Variants in CD99L2 observed in about 807,000 individuals in gnomAD.
The protein encoded by CD99L2 is CD99 antigen-like protein 2.
CD99L2 carries 24 observed loss-of-function variants against 27.3 expected under a neutral mutation model. The ratio of observed to expected loss-of-function variants is 0.88; its 90% CI spans 0.64 to 1.24. The LOEUF (loss-of-function observed/expected upper bound fraction) is 1.24. CD99L2 is among the 50% of genes most tolerant of loss of function. The pLI is 0.00. For missense variants in CD99L2, 255 were observed against 221.6 expected, an observed-to-expected ratio of 1.15 and a Z score of -0.96; for synonymous variants, 97 against 87.9, an observed-to-expected ratio of 1.10 and a Z score of -0.58.
chrX:150,795,144 C>G, intron 6 of CD99L2, 62 bp downstream of exon 6: 1 of 1,155,863 alleles, frequency 8.7e-7, no homozygotes. Flanking sequence ...CAGGCCCAAG[C>G]TGGCTCTGGC....
At chrX:150,837,069 G>A (rs1054722679) in intron 1 of CD99L2, among the ~76,000 whole-genome samples, 8 of 110,686 alleles carry the variant, frequency 7.2e-5, no homozygotes, top group Non-Finnish European at 1.5e-4. Context: ...TCAACTGGAC[G>A]GGGCTGGAAG....
At chrX:150,775,756 G>T (rs2043540750) in intron 9 of CD99L2, among the ~76,000 whole-genome samples, 1 of 112,511 alleles carries the variant, frequency 8.9e-6, no homozygotes, top group South Asian at 3.6e-4. Flanking sequence ...CTCTGCTCCT[G>T]AGGGAGCCAG....
At chrX:150,801,129 A>C (rs782085884) in intron 4 of CD99L2, among the ~76,000 whole-genome samples, 1 of 111,607 alleles carries the variant, frequency 9.0e-6, no homozygotes, top group Non-Finnish European at 1.9e-5. Flanking sequence ...AAAAGGAATT[A>C]TCACCAATTG....
chrX:150,875,530 C>T lies in CD99L2; in HGVS notation c.67+22992G>A, dbSNP rs782410288. On this transcript the variant is annotated intron_variant, in intron 1 of 10. Coordinates refer to ENST00000370377, the MANE Select transcript of CD99L2 (RefSeq NM_031462.4). The stretch of plus-strand genomic sequence containing the variant: ...CCTCTCTCCCACCTCCTCTTTCCCC[C>T]ACACCTGTCCCTAACCCCTGAAAAC... Among the ~76,000 whole-genome samples, 3 of 111,873 alleles carry T rather than the reference C, an allele frequency of 2.7e-5. No homozygotes were observed. The South Asian group carries it at 1.1e-3, about 42-fold the overall frequency.
chrX:150,779,773 G>A (rs782657703), intron 7 of CD99L2, among the ~76,000 whole-genome samples: 1 of 112,329 alleles, frequency 8.9e-6, no homozygotes, highest in South Asian at 3.7e-4. Flanking sequence ...AAATTTAGGG[G>A]TAAGGAATTT....
rs1297583146 is a variant in CD99L2 at position 150,767,557 on chromosome X, C to T, written c.*1477G>A. ...CACAGGCATGTTTGCAAAACGAACA[C>T]GAGGCATGCGTTAGACAGATGCATG... On this transcript the variant is annotated 3_prime_UTR_variant, in exon 11 of 11. Coordinates refer to ENST00000370377, the MANE Select transcript of CD99L2 (RefSeq NM_031462.4). 1.8e-5 allele frequency: 2 copies of T among 111,749 alleles called. No homozygotes were observed. Among genetic ancestry groups the T allele is most frequent in the Admixed American group, 9.4e-5 (1 of 10,610 alleles). 9.2% of individuals were successfully genotyped at this position (111,749 alleles called of 1,213,427 possible).
chrX:150,796,951 T>C (rs1431805847), intron 4 of CD99L2, among the ~76,000 whole-genome samples: 1 of 111,692 alleles, frequency 9.0e-6, no homozygotes, highest in African/African-American at 3.2e-5. Context: ...CATAGAACTG[T>C]GTGAAAATGA....
At chrX:150,837,007 A>G (rs1374246273) in intron 1 of CD99L2, among the ~76,000 whole-genome samples, 22 of 112,300 alleles carry the variant, frequency 2.0e-4, no homozygotes. Flanking sequence ...AAATATTTAT[A>G]GCCATGAGTA....
intron 4 of CD99L2, among the ~76,000 whole-genome samples, chrX:150,805,550 A>G (rs1557420208): frequency 9.0e-6 from 1 of 111,599 alleles, no homozygotes; most frequent in African/African-American, 3.3e-5. Flanking sequence ...CACTCACACA[A>G]CTTAGCATTT....
At chrX:150,826,952 CT>C (rs1190297136) in intron 2 of CD99L2, among the ~76,000 whole-genome samples, 4 of 111,211 alleles carry the variant, frequency 3.6e-5, no homozygotes, top group Non-Finnish European at 7.5e-5. Context: ...ATCTTGGGCG[CT>C]TGCTATCCCA....
At chrX:150,769,472 T>C (rs979734438) in intron 10 of CD99L2, among the ~76,000 whole-genome samples, 2 of 112,714 alleles carry the variant, frequency 1.8e-5, no homozygotes, top group East Asian at 5.6e-4. Context: ...GACAGCGGAA[T>C]CCATTTTTCC....
chrX:150,879,353 T>A (rs1024044479), intron 1 of CD99L2, among the ~76,000 whole-genome samples: 19 of 111,202 alleles, frequency 1.7e-4, no homozygotes, highest in African/African-American at 6.2e-4. Flanking sequence ...GTGGAAAGAA[T>A]TAAGAAAAGG....
At chrX:150,843,391 T>C (rs2046651410) in intron 1 of CD99L2, among the ~76,000 whole-genome samples, 2 of 111,265 alleles carry the variant, frequency 1.8e-5, no homozygotes, top group Admixed American at 1.9e-4. Flanking sequence ...GGCTCACGCC[T>C]GTAATCCCAG....
intron 2 of CD99L2, among the ~76,000 whole-genome samples, chrX:150,824,416 A>T (rs999152834): frequency 2.9e-5 from 3 of 102,455 alleles, no homozygotes; most frequent in Non-Finnish European, 4.0e-5. Flanking sequence ...GAAGAAAAGA[A>T]GAAGAAAAGA....
Position 150,795,199 on chromosome X carries a change from G to C in CD99L2, c.430+7C>G. On this transcript the variant is annotated splice_region_variant and intron_variant, in intron 6 of 10. Transcript: ENST00000370377. ...AATGAGACAGAACCAGACCAGGTGG[G>C]ACTCACCTCCTCCTCCAGCAATTGG... The C allele has an allele frequency of 1.7e-6, 2 of 1,209,930 alleles. No individual in the cohort carries two copies. The highest frequency in any genetic ancestry group is 2.2e-6 in the Non-Finnish European group (2 of 894,171).
At chrX:150,854,908 C>T (rs1557421691) in intron 1 of CD99L2, among the ~76,000 whole-genome samples, 2 of 110,745 alleles carry the variant, frequency 1.8e-5, no homozygotes, top group Admixed American at 9.6e-5. Flanking sequence ...GCTGCCCCCC[C>T]TCCCCCCGGT....
chrX:150,816,675 G>GA, intron 2 of CD99L2, among the ~76,000 whole-genome samples: 1 of 109,895 alleles, frequency 9.1e-6, no homozygotes, highest in Middle Eastern at 4.6e-3. Flanking sequence ...AATACCATTT[G>GA]ACCCAGCCAT....
At chrX:150,835,157 G>C (rs1046298747) in intron 1 of CD99L2, among the ~76,000 whole-genome samples, 1 of 111,801 alleles carries the variant, frequency 8.9e-6, no homozygotes, top group Non-Finnish European at 1.9e-5. Context: ...GAGGAATTAA[G>C]TTTTAGCAAC....
chrX:150,789,487 TC>T (rs1799387323), intron 7 of CD99L2, among the ~76,000 whole-genome samples: 1 of 112,394 alleles, frequency 8.9e-6, no homozygotes, highest in African/African-American at 3.2e-5. Context: ...AAATATTTTC[TC>T]CAAATCTGTG....
Sources: gnomAD v4.1 joint callset for allele counts (sites outside exome capture counted in the v4.1 genomes callset) on GRCh38, gnomAD v4.1.1 for gene constraint, MANE v1.5 for transcripts, NCBI Gene and HGNC (gene_info 2026-07-23, HGNC 2026-07-21) for gene names.